Variants in DAB1 observed in about 807,000 individuals in gnomAD.
The protein encoded by DAB1 is disabled homolog 1.
Under a neutral mutation model 64.6 loss-of-function variants are expected in DAB1, and 15 were observed. The observed-to-expected ratio is 0.23, with a 90% CI of 0.16 to 0.36. The LOEUF is 0.36. Ranked by LOEUF, DAB1 falls within the 10% of genes least tolerant of loss-of-function variation. DAB1 has a pLI of 1.00. For synonymous variants in DAB1, 235 were observed against 251.9 expected (o/e 0.93, Z 0.64); for missense variants, 596 against 706.7 (o/e 0.84, Z 1.78).
At chr1:58,300,944 C>G (rs1422435818) in intron 4 of DAB1, among the ~76,000 whole-genome samples, 2 of 152,012 alleles carry the variant, frequency 1.3e-5, no homozygotes, top group Non-Finnish European at 2.9e-5. Context: ...TCCTCATTGT[C>G]TTCTCAGAGA....
chr1:57,642,028 C>T (rs1050208649), intron 7 of DAB1, among the ~76,000 whole-genome samples: 5 of 152,090 alleles, frequency 3.3e-5, no homozygotes, highest in South Asian at 2.1e-4. Flanking sequence ...TACTTACAAA[C>T]GCAGATAACA....
chr1:58,167,090 G>T (rs1655882480), intron 4 of DAB1, among the ~76,000 whole-genome samples: 1 of 151,484 alleles, frequency 6.6e-6, no homozygotes, highest in South Asian at 2.1e-4. Flanking sequence ...CTGCCATAAT[G>T]GCTGTATCAT....
chr1:57,859,416 G>A (rs1055484665), intron 1 of DAB1, among the ~76,000 whole-genome samples: 4 of 152,000 alleles, frequency 2.6e-5, no homozygotes, highest in African/African-American at 4.8e-5. Context: ...GCCAGATGCC[G>A]TAATAGGCAC....
rs1170131727 is a variant in DAB1, at chr1:58,107,538, G to A, written n.387+42973C>T. 4.0e-5 allele frequency among the ~76,000 whole-genome samples: 6 copies of A among 151,688 alleles called. No individual in the cohort carries two copies. The East Asian group carries it at 1.2e-3, about 29-fold the overall frequency. ...TCAGGGTGCCAGGGAGGGTTTCACA[G>A]AACAGCCAGAAAGAAACCTGAAGAG... On this transcript the variant is annotated intron_variant and non_coding_transcript_variant, in intron 5 of 20. Coordinates refer to the DAB1 transcript ENST00000485760.
chr1:58,008,200 A>G (rs1366353209), intron 5 of DAB1, among the ~76,000 whole-genome samples: 1 of 152,204 alleles, frequency 6.6e-6, no homozygotes, highest in Non-Finnish European at 1.5e-5. Flanking sequence ...TAACTTGCCC[A>G]AGATCATACA....
intron 2 of DAB1, among the ~76,000 whole-genome samples, chr1:57,170,004 T>C (rs1006739395): frequency 1.3e-5 from 2 of 150,250 alleles, no homozygotes; most frequent in African/African-American, 2.5e-5. Context: ...TTCTTTCTTT[T>C]TTTTTTTTTT....
intron 5 of DAB1, among the ~76,000 whole-genome samples, chr1:57,936,628 C>G (rs1442209959): frequency 1.3e-5 from 2 of 152,000 alleles, no homozygotes; most frequent in African/African-American, 2.4e-5. Flanking sequence ...GTCTCGAACT[C>G]TTGATCTCAG....
At chr1:57,054,851 C>T (rs562207171) in intron 9 of DAB1, among the ~76,000 whole-genome samples, 2 of 152,224 alleles carry the variant, frequency 1.3e-5, no homozygotes, top group East Asian at 1.9e-4. Flanking sequence ...ATTATCAGCC[C>T]GAAGAAACAA....
chr1:57,161,247 G>A (rs1324539093), intron 2 of DAB1, among the ~76,000 whole-genome samples: 1 of 152,178 alleles, frequency 6.6e-6, no homozygotes, highest in African/African-American at 2.4e-5. Context: ...CTCAGAGGCA[G>A]CACCGAGTGC....
intron 5 of DAB1, chr1:58,056,229 G>A (rs1648076536): frequency 1.3e-6 from 2 of 1,492,114 alleles, no homozygotes; most frequent in Non-Finnish European, 9.2e-7. Context: ...ATCGATTCCT[G>A]ACTACTTTGC....
chr1:57,184,123 A>T (rs893490147), intron 2 of DAB1, among the ~76,000 whole-genome samples: 2 of 152,202 alleles, frequency 1.3e-5, no homozygotes, highest in Admixed American at 1.3e-4. Context: ...AGGTAAAGGG[A>T]GTCACAGAAA....
chr1:57,909,180 T>C (rs1461164483), intron 5 of DAB1, among the ~76,000 whole-genome samples: 1 of 152,158 alleles, frequency 6.6e-6, no homozygotes, highest in African/African-American at 2.4e-5. Flanking sequence ...TGGGTTCTAG[T>C]CTTGGTTCAG....
intron 5 of DAB1, among the ~76,000 whole-genome samples, chr1:58,063,747 A>G (rs1244658263): frequency 6.6e-6 from 1 of 152,216 alleles, no homozygotes; most frequent in Non-Finnish European, 1.5e-5. Flanking sequence ...CCTATGAAGT[A>G]GGTCCTAGAT....
chr1:57,682,632 C>T (rs1019600082), intron 6 of DAB1, among the ~76,000 whole-genome samples: 8 of 152,006 alleles, frequency 5.3e-5, no homozygotes, highest in African/African-American at 1.9e-4. Context: ...GGATTCTAGA[C>T]ACAGGGGACC....
chr1:58,393,533 G>A (rs1311705980), intron 3 of DAB1, among the ~76,000 whole-genome samples: 1 of 152,146 alleles, frequency 6.6e-6, no homozygotes, highest in African/African-American at 2.4e-5. Context: ...ACGAACCTCA[G>A]GTCTGGCCAT....
At chr1:58,063,118 C>T (rs538433329) in intron 5 of DAB1, among the ~76,000 whole-genome samples, 10 of 152,198 alleles carry the variant, frequency 6.6e-5, no homozygotes, top group African/African-American at 2.2e-4. Context: ...ACAGAATGTC[C>T]GAAGAGGCCC....
chr1:57,749,299 T>A (rs1352299703), intron 6 of DAB1, among the ~76,000 whole-genome samples: 1 of 152,230 alleles, frequency 6.6e-6, no homozygotes, highest in Non-Finnish European at 1.5e-5. Context: ...GTCACACAGC[T>A]AGAAGTCCTG....
intron 3 of DAB1, among the ~76,000 whole-genome samples, chr1:58,427,617 A>G (rs1644833752): frequency 6.6e-6 from 1 of 152,218 alleles, no homozygotes; most frequent in Non-Finnish European, 1.5e-5. Flanking sequence ...AAAGAAAAGG[A>G]GAGCCAAGGA....
intron 14 of DAB1, among the ~76,000 whole-genome samples, chr1:57,010,313 C>G (rs1193476462): frequency 6.6e-6 from 1 of 152,166 alleles, no homozygotes; most frequent in African/African-American, 2.4e-5. Context: ...ATGCCTCATT[C>G]TATCACCACC....
Sources: allele counts gnomAD v4.1 joint callset (sites outside exome capture counted in the v4.1 genomes callset), GRCh38; gene constraint gnomAD v4.1.1; transcripts MANE v1.5; gene names NCBI Gene and HGNC (gene_info 2026-07-23, HGNC 2026-07-21).